ZXDC: variants seen among roughly 807,000 people sequenced by gnomAD.
The protein encoded by ZXDC is ZXD family zinc finger C.
ZXDC carries 58 observed loss-of-function variants against 63.6 expected under a neutral mutation model. That is an observed-to-expected ratio of 0.91 (90% CI 0.74 to 1.13). The LOEUF is 1.13. Ranked by LOEUF, ZXDC falls within the 50% of genes most tolerant of loss-of-function variation. ZXDC has a pLI of 0.00. For synonymous variants in ZXDC, 561 were observed against 496.1 expected (o/e 1.13, Z -1.74); for missense variants, 1,133 against 1,148.9 (o/e 0.99, Z 0.20).
Position 126,462,131 on chromosome 3 carries a change from G to T in ZXDC, c.1531C>A (p.Leu511Ile). 2 of 1,613,714 alleles carry T rather than the reference G, an allele frequency of 1.2e-6. No homozygotes were observed. The highest frequency in any genetic ancestry group is 1.7e-6 in the Non-Finnish European group (2 of 1,180,038). The change falls in exon 6 of 10, where the codon CTT (leucine) becomes ATT (isoleucine). Residue 511 changes from leucine (L) to isoleucine (I), a missense_variant. Leu to Ile is a conservative substitution (Grantham distance 5). Coordinates refer to ENST00000389709, the MANE Select transcript of ZXDC (RefSeq NM_025112.5). Reference protein sequence around the residue: ...PGQSELTNMDLAALFSDTPAN... With the variant: ...PGQSELTNMDIAALFSDTPAN... ...GGTGTGTCAGAGAAGAGTGCAGCAA[G>T]ATCCATGTTAGTGAGCTCACTTTGG...
At chr3:126,469,730 A>C (rs1443557926) in intron 4 of ZXDC, among the ~76,000 whole-genome samples, 1 of 152,012 alleles carries the variant, frequency 6.6e-6, no homozygotes. Flanking sequence ...TCTTCAGCTG[A>C]CCGCGAGGCC....
intron 5 of ZXDC, among the ~76,000 whole-genome samples, chr3:126,462,455 G>C (rs763097919): frequency 6.6e-6 from 1 of 152,162 alleles, no homozygotes; most frequent in African/African-American, 2.4e-5. Flanking sequence ...CTTTACGTAC[G>C]CGTCTTGGAT....
At chr3:126,450,301 C>T (rs953696423) in intron 7 of ZXDC, 3 of 456,146 alleles carry the variant, frequency 6.6e-6, no homozygotes, top group Non-Finnish European at 8.8e-6. Flanking sequence ...GGGCAAAATT[C>T]TCCTGCCCCT....
At chr3:126,456,406 C>G (rs1934309445) in intron 7 of ZXDC, among the ~76,000 whole-genome samples, 1 of 152,242 alleles carries the variant, frequency 6.6e-6, no homozygotes, top group Non-Finnish European at 1.5e-5. Flanking sequence ...GGGCTGGAGA[C>G]TAAGGCCAGC....
intron 7 of ZXDC, among the ~76,000 whole-genome samples, chr3:126,443,760 AAACTT>A (rs1318079791): frequency 6.6e-6 from 1 of 152,250 alleles, no homozygotes; most frequent in Non-Finnish European, 1.5e-5. Flanking sequence ...ATATGTACAT[AAACTT>A]AACTTTTATT....
intron 7 of ZXDC, chr3:126,455,063 T>A (rs1007749772): frequency 3.0e-6 from 3 of 985,308 alleles, no homozygotes. Flanking sequence ...CCATTAACAG[T>A]CCTGTTACAC....
chr3:126,439,921 ATTC>A (rs1361598095), intron 8 of ZXDC, 194 bp from the exon 9 acceptor site: 12 of 1,410,060 alleles, frequency 8.5e-6, no homozygotes, highest in East Asian at 8.2e-5. Flanking sequence ...CCTGGTTCTC[ATTC>A]TGTCACCTTG....
At chr3:126,451,206 A>C in intron 7 of ZXDC, 1 of 985,386 alleles carries the variant, frequency 1.0e-6, no homozygotes, top group African/African-American at 1.7e-5. Context: ...TAAAACATTC[A>C]CAATCTTAAC....
chr3:126,452,235 C>CT (rs1474024967), intron 7 of ZXDC: 1 of 985,334 alleles, frequency 1.0e-6, no homozygotes, highest in Non-Finnish European at 1.2e-6. Flanking sequence ...TGCAAATCCT[C>CT]TATGTCATTT....
rs776554911 is a variant in ZXDC, at chr3:126,474,981, G to A, written c.885C>T (p.Arg295=). Residue 295 remains arginine (R), a synonymous_variant, in exon 1 of 10, where the codon CGC becomes CGT. Coordinates refer to ENST00000389709, the MANE Select transcript of ZXDC (RefSeq NM_025112.5). The part of the protein sequence containing the change: ...SHQRSHFEPE[R]PYKCDFPGCE... ...TACCGGGAAAGTCACACTTGTAAGG[G>A]CGCTCGGGCTCGAAGTGGCTGCGCT... 1.0e-5 allele frequency: 16 copies of A among 1,588,098 alleles called. No homozygotes were observed. Among genetic ancestry groups the A allele is most frequent in the Non-Finnish European group, 1.3e-5 (15 of 1,167,780 alleles).
intron 8 of ZXDC, chr3:126,440,868 T>G (rs62264698): frequency 0.068 from 67,482 of 985,708 alleles, 2,352 homozygotes; most frequent in African/African-American, 0.073. Flanking sequence ...CCTGGTCCTG[T>G]TTCCTTGGCG....
intron 6 of ZXDC, chr3:126,460,253 G>C: frequency 2.9e-6 from 2 of 678,680 alleles, no homozygotes; most frequent in South Asian, 1.3e-4. Context: ...ACTTGCCTGA[G>C]GGAGTCAGAC....
chr3:126,475,450 C>G lies in ZXDC; in HGVS notation c.416G>C (p.Arg139Pro). Reference sequence around the variant, plus strand: ...CAGCGCGAGGACGCCGCGGTCGAGACGCACCAGCAGGTCCTGGCTGCTGAT... The same window carrying G: ...CAGCGCGAGGACGCCGCGGTCGAGAGGCACCAGCAGGTCCTGGCTGCTGAT... ...VTISSQDLLV[R>P]LDRGVLALSA... is the part of the protein sequence containing the mutation. The change falls in exon 1 of 10, where the codon CGT becomes CCT. Residue 139 changes from arginine to proline, a missense_variant. Transcript: ENST00000389709. 1 of 1,197,034 alleles carries G rather than the reference C, an allele frequency of 8.4e-7. No individual in the cohort carries two copies. The highest frequency in any genetic ancestry group is 1.0e-6 in the Non-Finnish European group (1 of 967,926). 74.2% of individuals were successfully genotyped at this position (1,197,034 alleles called of 1,614,324 possible).
rs777723184 is a variant in ZXDC at position 126,441,873 on chromosome 3, G to A, written c.2286C>T (p.Asn762=). The A allele has an allele frequency of 1.2e-6, 2 of 1,613,858 alleles. No homozygotes were observed. The highest frequency in any genetic ancestry group is 2.7e-5 in the African/African-American group (2 of 75,038). ...CCACGAGGCTCCCACACAACCAACT[G>A]TTCTGGCTTGCATGGAAATGGGGAG... ...MSPPHFHASQ[N]SWLCGSLVVP... The change falls in exon 8 of 10, where the codon AAC becomes AAT. Residue 762 remains asparagine, a synonymous_variant. Transcript: ENST00000389709.
intron 7 of ZXDC, among the ~76,000 whole-genome samples, chr3:126,458,161 C>G (rs558828175): frequency 6.6e-6 from 1 of 151,558 alleles, no homozygotes; most frequent in African/African-American, 2.4e-5. Context: ...TTGCTAGATA[C>G]TGACATTAAG....
intron 4 of ZXDC, among the ~76,000 whole-genome samples, chr3:126,467,976 G>A (rs1236495047): frequency 3.9e-5 from 6 of 152,150 alleles, no homozygotes. Context: ...TTTCATTTTG[G>A]TTTGTATTTC....
At position 126,470,950 on chromosome 3, in the gene ZXDC, C is replaced by T; in HGVS notation, c.1215G>A (p.Leu405=). The T allele has an allele frequency of 6.2e-7, 1 of 1,614,232 alleles. No individual in the cohort carries two copies. The change falls in exon 4 of 10, where the codon CTG becomes CTA. Residue 405 remains leucine, a synonymous_variant. Transcript: ENST00000389709. ...CGKSFTRAEH[L]KGHSITHLGT... Reference sequence around the variant, plus strand: ...CTAGGTGGGTTATGCTGTGGCCTTTCAGATGCTCTGCTCTGGTGAATGATT... The same window carrying T: ...CTAGGTGGGTTATGCTGTGGCCTTTTAGATGCTCTGCTCTGGTGAATGATT...
At chr3:126,459,368 C>G in intron 7 of ZXDC, 1 of 985,436 alleles carries the variant, frequency 1.0e-6, no homozygotes, top group Non-Finnish European at 1.2e-6. Context: ...GCCTGCTTTG[C>G]TTATTTACCT....
intron 7 of ZXDC, among the ~76,000 whole-genome samples, chr3:126,447,559 A>G (rs933198600): frequency 3.9e-5 from 6 of 152,150 alleles, no homozygotes; most frequent in African/African-American, 1.4e-4. Flanking sequence ...AGACTTCCAT[A>G]AAAGTGTCAA....
Sources: allele counts gnomAD v4.1 joint callset (sites outside exome capture counted in the v4.1 genomes callset), GRCh38; gene constraint gnomAD v4.1.1; transcripts MANE v1.5; gene names NCBI Gene and HGNC (gene_info 2026-07-23, HGNC 2026-07-21).